IFT122: variants seen among roughly 807,000 people sequenced by gnomAD.
The protein encoded by IFT122 is intraflagellar transport 122.
IFT122 carries 118 observed loss-of-function variants against 161.6 expected under a neutral mutation model. The ratio of observed to expected loss-of-function variants is 0.73; its 90% CI spans 0.63 to 0.85. IFT122 has a LOEUF of 0.85. Ranked by LOEUF, IFT122 falls within the 40% of genes least tolerant of loss-of-function variation. IFT122 has a pLI of 0.00. For synonymous variants in IFT122, 550 were observed against 602.4 expected (o/e 0.91, Z 1.27); for missense variants, 1,381 against 1,579.6 (o/e 0.87, Z 2.13).
intron 11 of IFT122, among the ~76,000 whole-genome samples, chr3:129,477,620 T>C (rs147967866): frequency 1.3e-5 from 2 of 151,546 alleles, no homozygotes; most frequent in Non-Finnish European, 3.0e-5. Flanking sequence ...GAGCCTGGTG[T>C]GTACCAGAAA....
At chr3:129,517,405 C>T (rs1226730359) in intron 26 of IFT122, 64 bp from the exon 27 acceptor site, 3 of 1,602,772 alleles carry the variant, frequency 1.9e-6, no homozygotes, top group Non-Finnish European at 2.6e-6. Flanking sequence ...GTCACCCCAC[C>T]TGCCTGGCGG....
intron 21 of IFT122, among the ~76,000 whole-genome samples, chr3:129,504,976 A>G (rs911377181): frequency 5.3e-5 from 8 of 152,216 alleles, no homozygotes; most frequent in African/African-American, 1.9e-4. Context: ...CTGCTCCTCA[A>G]GAATTCTGTT....
rs115061281 is a variant in IFT122, at chr3:129,461,401, G to T, written c.349+97G>T. On this transcript the variant is annotated intron_variant, in intron 5 of 29. Transcript: ENST00000348417. ...AGAATATGGTGATTTTATCCTGAGA[G>T]AGTTAATACTACTTCTCTACCTTCA... The T allele has an allele frequency of 5.2e-4, 453 of 877,946 alleles. 3 individuals carry two copies. The African/African-American group carries it at 6.6e-3, about 13-fold the overall frequency. 54.4% of individuals were successfully genotyped at this position (877,946 alleles called of 1,614,324 possible).
At chr3:129,469,290 C>T in intron 8 of IFT122, 52 bp from the exon 9 acceptor site, 18 of 1,450,026 alleles carry the variant, frequency 1.2e-5, no homozygotes, top group Non-Finnish European at 1.6e-5. Flanking sequence ...TAGAGCTATA[C>T]TCATCAGCAG....
At chr3:129,469,574 A>G (rs2077149370) in intron 9 of IFT122, among the ~76,000 whole-genome samples, 157 bp downstream of exon 9, 1 of 152,152 alleles carries the variant, frequency 6.6e-6, no homozygotes, top group East Asian at 1.9e-4. Context: ...TGCATACTTT[A>G]TCCTATTTTA....
At chr3:129,454,508 CATATTTGTGTGTGTGT>C (rs1316403197) in intron 3 of IFT122, among the ~76,000 whole-genome samples, 6 of 112,406 alleles carry the variant, frequency 5.3e-5, no homozygotes, top group African/African-American at 2.6e-4. Flanking sequence ...CCATGGTAGT[CATATTTGTGTGTGTGT>C]GTGTGTGTGT....
Position 129,499,899 on chromosome 3 carries a change from C to G in IFT122, c.2209-3C>G, listed in dbSNP as rs545369439. 6.2e-7 allele frequency: 1 copy of G among 1,614,118 alleles called. No individual in the cohort carries two copies. The highest frequency in any genetic ancestry group is 1.3e-5 in the African/African-American group (1 of 75,058). On this transcript the variant is annotated splice_region_variant and splice_polypyrimidine_tract_variant and intron_variant, in intron 18 of 29. Transcript: ENST00000348417. ...AGTGTTTTTGTTTGTTGTGCTTCCT[C>G]AGGATTTCCTTGGATCTGGAGACCC...
intron 17 of IFT122, among the ~76,000 whole-genome samples, chr3:129,494,685 AGTGTGT>A (rs10579071): frequency 2.0e-5 from 3 of 150,496 alleles, no homozygotes; most frequent in Non-Finnish European, 3.0e-5. Context: ...AGCTGTGCTA[AGTGTGT>A]GTGTGTGTGT....
chr3:129,498,116 A>G (rs2081107542), intron 18 of IFT122, among the ~76,000 whole-genome samples: 1 of 152,254 alleles, frequency 6.6e-6, no homozygotes, highest in Non-Finnish European at 1.5e-5. Context: ...ACTTAGCTTC[A>G]GGAAAGCAAA....
At chr3:129,516,741 GCA>G (rs1255065994) in intron 26 of IFT122, among the ~76,000 whole-genome samples, 13 of 75,080 alleles carry the variant, frequency 1.7e-4, no homozygotes, top group East Asian at 5.0e-4. Context: ...GACTGCCCCT[GCA>G]CACACACACA....
chr3:129,510,479 C>T (rs530572589), intron 23 of IFT122, among the ~76,000 whole-genome samples: 1 of 152,332 alleles, frequency 6.6e-6, no homozygotes, highest in African/African-American at 2.4e-5. Flanking sequence ...CAGGGTCCCT[C>T]ATCTTTATCA....
chr3:129,502,800 G>T lies in IFT122; in HGVS notation c.2465G>T (p.Gly822Val), dbSNP rs139511074. 4.3e-6 allele frequency: 7 copies of T among 1,613,108 alleles called. No homozygotes were observed. In the African/African-American group the frequency reaches 9.3e-5, roughly 22 times the overall value. The change falls in exon 20 of 30, where the codon GGC becomes GTC. Residue 822 changes from glycine to valine, a missense_variant. Transcript: ENST00000348417. ...ATYLKKLDSP[G>V]YAAETYLKMG... ...TACCTCAAGAAGCTGGACAGCCCTG[G>T]CTATGCTGCTGAGACCTACCTGAAG...
At chr3:129,460,098 A>T (rs942854116) in intron 4 of IFT122, among the ~76,000 whole-genome samples, 1 of 152,136 alleles carries the variant, frequency 6.6e-6, no homozygotes, top group Non-Finnish European at 1.5e-5. Context: ...TATCATATTA[A>T]CTACTTTTTA....
chr3:129,451,858 A>C, intron 2 of IFT122, 56 bp from the exon 3 acceptor site: 1 of 1,410,502 alleles, frequency 7.1e-7, no homozygotes, highest in Non-Finnish European at 1.0e-6. Context: ...GCAACCCTGC[A>C]GGAATTCTGA....
chr3:129,458,543 T>G, intron 3 of IFT122, 56 bp from the exon 4 acceptor site: 1 of 1,420,818 alleles, frequency 7.0e-7, no homozygotes, highest in Non-Finnish European at 1.0e-6. Context: ...GAATTCTCTC[T>G]GGGAAATGCT....
Position 129,443,107 on chromosome 3 carries a change from TG to T in IFT122, c.41+2737del, listed in dbSNP as rs1380338774. Among the ~76,000 whole-genome samples, 5 of 152,326 alleles carry T rather than the reference TG, an allele frequency of 3.3e-5. No homozygotes were observed. The East Asian group carries it at 9.6e-4, about 29-fold the overall frequency. On this transcript the variant is annotated intron_variant, in intron 1 of 29. Transcript: ENST00000348417. Reference sequence around the variant, plus strand: ...CCACATGTCCACATGTCTTTATAGGTGTTATCATGTTTAATCTCTACAACAT... The same window carrying T: ...CCACATGTCCACATGTCTTTATAGGTTTATCATGTTTAATCTCTACAACAT...
chr3:129,469,347 A>T lies in IFT122; in HGVS notation c.746A>T (p.Glu249Val). The stretch of plus-strand genomic sequence containing the variant: ...TTTTATCTTCTGTTGATTAGAGAGG[A>T]ACGTAATGACATCCTGGCTGTGGCT... Reference protein sequence around the residue: ...DDSPRDDNLEERNDILAVADW... With the variant: ...DDSPRDDNLEVRNDILAVADW... Residue 249 changes from glutamate to valine, a missense_variant, in exon 9 of 30, where the codon GAA becomes GTA. By Grantham distance (121) the Glu-to-Val change is moderately radical. This residue lies in a region of IFT122 where 544 missense variants were observed against 648.0 expected (regional missense o/e 0.84). Coordinates refer to ENST00000348417, the MANE Select transcript of IFT122 (RefSeq NM_052989.3). 1 of 1,613,838 alleles carries T rather than the reference A, an allele frequency of 6.2e-7. No homozygotes were observed. The highest frequency in any genetic ancestry group is 8.5e-7 in the Non-Finnish European group (1 of 1,179,750).
chr3:129,459,445 A>G (rs189792996), intron 4 of IFT122: 73 of 326,220 alleles, frequency 2.2e-4, no homozygotes, highest in Admixed American at 1.0e-3. Context: ...GCTCACCACC[A>G]TGCCAGGCTA....
At chr3:129,503,248 C>T (rs1003699021) in intron 20 of IFT122, among the ~76,000 whole-genome samples, 16 of 152,268 alleles carry the variant, frequency 1.1e-4, no homozygotes, top group Non-Finnish European at 1.5e-4. Context: ...GATGCACCTG[C>T]GTGACATTTA....
Sources: allele counts gnomAD v4.1 joint callset (sites outside exome capture counted in the v4.1 genomes callset), GRCh38; gene constraint gnomAD v4.1.1; regional missense constraint gnomAD v4.1.1; transcripts MANE v1.5; gene names NCBI Gene and HGNC (gene_info 2026-07-23, HGNC 2026-07-21).